PCDHGA2: variants seen among roughly 807,000 people sequenced by gnomAD.
PCDHGA2 encodes protocadherin gamma-A2.
In PCDHGA2, 40 loss-of-function variants were observed where a neutral mutation model predicts 59.2. The observed-to-expected ratio is 0.68, with a 90% CI of 0.52 to 0.88. The LOEUF (loss-of-function observed/expected upper bound fraction) is 0.88, where lower values mean the gene tolerates loss of function less well. Ranked by LOEUF, PCDHGA2 falls within the 40% of genes least tolerant of loss-of-function variation. PCDHGA2 has a pLI of 0.00. For synonymous variants in PCDHGA2, 560 were observed against 526.0 expected (o/e 1.06, Z -0.89); for missense variants, 1,226 against 1,204.0 (o/e 1.02, Z -0.27).
At position 141,491,658 on chromosome 5, in the gene PCDHGA2, C is replaced by A; in HGVS notation, c.2425-3149C>A. 1 of 1,613,822 alleles carries A rather than the reference C, an allele frequency of 6.2e-7. No homozygotes were observed. The highest frequency in any genetic ancestry group is 8.5e-7 in the Non-Finnish European group (1 of 1,180,016). On this transcript the variant is annotated intron_variant, in intron 1 of 3. Coordinates refer to ENST00000394576, the MANE Select transcript of PCDHGA2 (RefSeq NM_018915.4). The surrounding 1 kb of genome is among the most constrained non-coding windows in gnomAD (Gnocchi z 6.9). ...CCACAGCTCTGGCGCTGGAGCCTGA[C>A]GCCATCCGGTCCCGCTCTAATACGC... is the stretch of plus-strand genomic sequence containing the variant.
At chr5:141,397,279 G>A (rs1208403541) in intron 1 of PCDHGA2, among the ~76,000 whole-genome samples, 1 of 152,168 alleles carries the variant, frequency 6.6e-6, no homozygotes, top group East Asian at 1.9e-4. Context: ...CATATGGGCA[G>A]TATACTTGAA....
intron 1 of PCDHGA2, among the ~76,000 whole-genome samples, chr5:141,396,987 T>C (rs2093462210): frequency 6.6e-6 from 1 of 152,232 alleles, no homozygotes; most frequent in Admixed American, 6.5e-5. Context: ...GCTAGTTGTT[T>C]TTATTAATCT....
At chr5:141,357,402 T>A (rs1760583395) in intron 1 of PCDHGA2, 1 of 1,614,228 alleles carries the variant, frequency 6.2e-7, no homozygotes, top group Non-Finnish European at 8.5e-7. Context: ...GGTTGGCAGG[T>A]GTGCCTGCCT....
At chr5:141,472,332 G>A (rs566731120) in intron 1 of PCDHGA2, among the ~76,000 whole-genome samples, 1 of 152,116 alleles carries the variant, frequency 6.6e-6, no homozygotes, top group East Asian at 1.9e-4. Flanking sequence ...ACGAGGTTGG[G>A]AGATCGAGAC....
chr5:141,401,822 C>T (rs1340105226), intron 1 of PCDHGA2, among the ~76,000 whole-genome samples: 1 of 152,188 alleles, frequency 6.6e-6, no homozygotes, highest in Non-Finnish European at 1.5e-5. Flanking sequence ...TTACAAAGTG[C>T]TGAGATTTCT....
At chr5:141,388,333 C>G (rs962073146) in intron 1 of PCDHGA2, 1 of 1,613,738 alleles carries the variant, frequency 6.2e-7, no homozygotes, top group African/African-American at 1.3e-5. Flanking sequence ...CAGCCTGGCA[C>G]ACGATTTATA....
intron 1 of PCDHGA2, chr5:141,376,110 G>A (rs772810239): frequency 3.7e-6 from 6 of 1,613,762 alleles, no homozygotes; most frequent in Non-Finnish European, 4.2e-6. Flanking sequence ...GCCGACCTGG[G>A]CAGCCTCGAG....
At chr5:141,348,090 T>C (rs1758061907) in intron 1 of PCDHGA2, among the ~76,000 whole-genome samples, 1 of 152,244 alleles carries the variant, frequency 6.6e-6, no homozygotes, top group African/African-American at 2.4e-5. Context: ...AGCCAGAAAT[T>C]GTTGGCTTAT....
rs1031624761 is a variant in PCDHGA2 at position 141,433,138 on chromosome 5, G to A, written c.2425-61669G>A. The A allele has an allele frequency of 2.5e-6, 4 of 1,614,038 alleles. No individual in the cohort carries two copies. In the Admixed American group the frequency reaches 6.7e-5, roughly 27 times the overall value. On this transcript the variant is annotated intron_variant, in intron 1 of 3. Coordinates refer to ENST00000394576, the MANE Select transcript of PCDHGA2 (RefSeq NM_018915.4). ...TTGAAAAAAGCGAGCCCCTTTTGCT[G>A]TCAGGTGATTCGGTATTTTCTAAAG...
At chr5:141,453,932 C>T (rs57919166) in intron 1 of PCDHGA2, among the ~76,000 whole-genome samples, 2 of 152,296 alleles carry the variant, frequency 1.3e-5, no homozygotes, top group African/African-American at 4.8e-5. Context: ...TCACTGTGTG[C>T]CTATAATTTA....
intron 1 of PCDHGA2, chr5:141,350,479 C>A: frequency 6.2e-7 from 1 of 1,613,916 alleles, no homozygotes; most frequent in Middle Eastern, 1.6e-4. Flanking sequence ...ATTATTTCAA[C>A]GTTAGTTTGG....
intron 1 of PCDHGA2, chr5:141,426,887 G>C (rs1309180455): frequency 6.6e-6 from 3 of 456,646 alleles, no homozygotes; most frequent in South Asian, 4.6e-5. Context: ...TGGGCCAGGA[G>C]CAACAGAGCT....
At position 141,431,412 on chromosome 5, in the gene PCDHGA2, G is replaced by A. The variant is rs1458036274; in HGVS notation, c.2425-63395G>A. ...CTGGTCCTTACGGCCTCCGACGGGG[G>A]CGACCCGGTGCGCACAGGCACCGCG... On this transcript the variant is annotated intron_variant, in intron 1 of 3. Transcript: ENST00000394576. This position sits in a 1 kb window ranked among gnomAD's most constrained non-coding sequence, Gnocchi z 4.8. 1 of 1,613,596 alleles carries A rather than the reference G, an allele frequency of 6.2e-7. No homozygotes were observed. Among genetic ancestry groups the A allele is most frequent in the Non-Finnish European group, 8.5e-7 (1 of 1,180,058 alleles).
chr5:141,477,184 C>T lies in PCDHGA2; in HGVS notation c.2425-17623C>T. On this transcript the variant is annotated intron_variant, in intron 1 of 3. Coordinates refer to ENST00000394576, the MANE Select transcript of PCDHGA2 (RefSeq NM_018915.4). The surrounding 1 kb of genome is among the most constrained non-coding windows in gnomAD (Gnocchi z 4.9). ...ACGCCCCGGAGATCACAGTCACCTC[C>T]GTGTACAGCCCAGTACCCGAGGATG... The T allele has an allele frequency of 3.7e-6, 6 of 1,614,178 alleles. No individual in the cohort carries two copies. Among genetic ancestry groups the T allele is most frequent in the Non-Finnish European group, 5.1e-6 (6 of 1,180,032 alleles).
At chr5:141,416,620 G>T (rs1395913352) in intron 1 of PCDHGA2, 1 of 152,142 alleles carries the variant, frequency 6.6e-6, no homozygotes, top group Non-Finnish European at 1.5e-5. Flanking sequence ...CATTTCTGCA[G>T]ATCAGAATAT....
intron 1 of PCDHGA2, chr5:141,345,341 TC>T: frequency 1.9e-6 from 3 of 1,613,954 alleles, no homozygotes; most frequent in Non-Finnish European, 8.5e-7. Context: ...CCACAGAAAC[TC>T]ACATCACCCT....
chr5:141,386,419 G>T (rs952384075), intron 1 of PCDHGA2, among the ~76,000 whole-genome samples: 1 of 152,112 alleles, frequency 6.6e-6, no homozygotes, highest in African/African-American at 2.4e-5. Flanking sequence ...GTTGCAAGCT[G>T]TAGCCCACCT....
At chr5:141,400,681 T>A in intron 1 of PCDHGA2, 1 of 834,118 alleles carries the variant, frequency 1.2e-6, no homozygotes, top group Non-Finnish European at 1.9e-6. Context: ...CAGTAAATTG[T>A]GAGTTTTTAT....
intron 1 of PCDHGA2, among the ~76,000 whole-genome samples, chr5:141,373,410 C>A (rs1317795683): frequency 6.6e-6 from 1 of 152,216 alleles, no homozygotes; most frequent in Non-Finnish European, 1.5e-5. Flanking sequence ...GTAGTCCCAG[C>A]TACTCGGGAG....
Sources: allele counts gnomAD v4.1 joint callset (sites outside exome capture counted in the v4.1 genomes callset), GRCh38; gene constraint gnomAD v4.1.1; non-coding constraint Gnocchi (gnomAD v3.1); transcripts MANE v1.5; gene names NCBI Gene and HGNC (gene_info 2026-07-23, HGNC 2026-07-21).